TGM5: variants seen among roughly 807,000 people sequenced by gnomAD.
TGM5 encodes the protein transglutaminase 5, also known as protein-glutamine gamma-glutamyltransferase 5.
In TGM5, 69 loss-of-function variants were observed where a neutral mutation model predicts 77.2. That is an observed-to-expected ratio of 0.89 (90% CI 0.74 to 1.09). The LOEUF is 1.09. Among genes scored for constraint, TGM5 ranks in the 50% least tolerant of loss-of-function variants. The pLI is 0.00. For synonymous variants in TGM5, 346 were observed against 351.8 expected (o/e 0.98, Z 0.18); for missense variants, 842 against 896.5 (o/e 0.94, Z 0.78).
At chr15:43,264,767 T>C (rs1053072397) in intron 1 of TGM5, among the ~76,000 whole-genome samples, 6 of 152,320 alleles carry the variant, frequency 3.9e-5, no homozygotes, top group Admixed American at 3.3e-4. Context: ...CTTGATGGTA[T>C]ATGAATTATA....
intron 1 of TGM5, among the ~76,000 whole-genome samples, chr15:43,264,523 CATATT>C (rs1202225182): frequency 1.3e-5 from 2 of 151,980 alleles, no homozygotes; most frequent in African/African-American, 4.8e-5. Flanking sequence ...TAAAAAGACA[CATATT>C]ATATGATTAT....
intron 7 of TGM5, 151 bp from the exon 8 acceptor site, chr15:43,239,417 C>T (rs1460600710): frequency 1.3e-6 from 1 of 756,132 alleles, no homozygotes; most frequent in Non-Finnish European, 2.3e-6. Context: ...CACGATGGCT[C>T]ATGCCAGTAA....
intron 4 of TGM5, among the ~76,000 whole-genome samples, chr15:43,256,271 G>C (rs768390962): frequency 6.6e-6 from 1 of 152,224 alleles, no homozygotes; most frequent in Non-Finnish European, 1.5e-5. Flanking sequence ...CATCACTGCT[G>C]TGATGGTTGC....
At position 43,234,786 on chromosome 15, in the gene TGM5, G is replaced by T. The variant is rs764874796; in HGVS notation, c.1858C>A (p.Pro620Thr). ...CTGCCTACATTAATCGTGATGCTTG[G>T]ATAAGATAAGGTGATGATCTTGTTC... ...LVNKIITLSY[P>T]SITINVLGAA... Residue 620 changes from proline (P) to threonine (T), a missense_variant, in exon 11 of 13, where the codon CCA becomes ACA. Around this residue, in one of 2 missense-constraint regions of TGM5, gnomAD observed 815 missense variants for 844.6 expected, o/e 0.96. Transcript: ENST00000220420. 15 of 1,614,080 alleles carry T rather than the reference G, an allele frequency of 9.3e-6. No individual in the cohort carries two copies. The African/African-American group carries it at 1.6e-4, about 17-fold the overall frequency.
At chr15:43,246,480 G>T (rs577081122) in intron 6 of TGM5, among the ~76,000 whole-genome samples, 1 of 152,268 alleles carries the variant, frequency 6.6e-6, no homozygotes, top group East Asian at 1.9e-4. Context: ...TACTTTTGTT[G>T]TCTTCCTCCC....
intron 7 of TGM5, among the ~76,000 whole-genome samples, chr15:43,239,966 G>A (rs2042622292): frequency 6.6e-6 from 1 of 152,126 alleles, no homozygotes; most frequent in Non-Finnish European, 1.5e-5. Flanking sequence ...AGAAGCAGAA[G>A]TGTTTTTTTG....
At position 43,235,819 on chromosome 15, in the gene TGM5, T is replaced by C. The variant is rs2042586253; in HGVS notation, c.1364A>G (p.Gln455Arg). The change falls in exon 10 of 13, where the codon CAG (glutamine) becomes CGG (arginine). Residue 455 changes from glutamine to arginine, a missense_variant. Coordinates refer to ENST00000220420, the MANE Select transcript of TGM5 (RefSeq NM_201631.4). The part of the protein sequence containing the change: ...KYEEGSLQER[Q>R]VFLKALQKLK... The stretch of plus-strand genomic sequence containing the variant: ...CTTCTGCAGAGCCTTCAGAAACACC[T>C]GCCTCTCCTGGAGGGATCCTGAAGT... 4 of 1,614,038 alleles carry C rather than the reference T, an allele frequency of 2.5e-6. No individual in the cohort carries two copies. The highest frequency in any genetic ancestry group is 3.4e-6 in the Non-Finnish European group (4 of 1,180,024).
intron 3 of TGM5, among the ~76,000 whole-genome samples, chr15:43,257,311 T>TAGCAAAATCA (rs996892672): frequency 6.6e-6 from 1 of 152,328 alleles, no homozygotes; most frequent in Middle Eastern, 3.4e-3. Context: ...CATAGAGACG[T>TAGCAAAATCA]AAGGCAGCAA....
chr15:43,266,077 T>C (rs2042822526), intron 1 of TGM5, among the ~76,000 whole-genome samples: 1 of 152,248 alleles, frequency 6.6e-6, no homozygotes, highest in Non-Finnish European at 1.5e-5. Context: ...GAGATGAGGC[T>C]GCCATTGGGG....
In TGM5 at chr15:43,238,805, T is replaced by C; in HGVS notation, c.1345+12A>G. 6.2e-7 allele frequency: 1 copy of C among 1,613,616 alleles called. No individual in the cohort carries two copies. Among genetic ancestry groups the C allele is most frequent in the Non-Finnish European group, 8.5e-7 (1 of 1,179,854 alleles). On this transcript the variant is annotated intron_variant, in intron 9 of 12. Coordinates refer to ENST00000220420, the MANE Select transcript of TGM5 (RefSeq NM_201631.4). ...GGCTGGGGCTCTGAGTAGGGCTGGC[T>C]TGCTTACTTACCTTCTTCATACTTG...
At chr15:43,259,936 G>A in intron 3 of TGM5, 116 bp downstream of exon 3, 5 of 1,457,744 alleles carry the variant, frequency 3.4e-6, no homozygotes, top group Non-Finnish European at 3.8e-6. Context: ...GCTGAGTGCA[G>A]GGAATTGAGG....
In TGM5 at chr15:43,233,197, T is replaced by G; in HGVS notation, c.2157A>C (p.Ala719=). The change falls in exon 13 of 13, where the codon GCA becomes GCC. Residue 719 remains alanine, a synonymous_variant. Transcript: ENST00000220420. Reference sequence around the variant, plus strand: ...TGGCGCGTTGTTCCAGAATTTATAATGCAAAGTCTACATAAACATTCCTGT... The same window carrying G: ...TGGCGCGTTGTTCCAGAATTTATAAGGCAAAGTCTACATAAACATTCCTGT... ...KGYRNVYVDF[A]L The G allele has an allele frequency of 6.2e-7, 1 of 1,614,184 alleles. No homozygotes were observed. Among genetic ancestry groups the G allele is most frequent in the Non-Finnish European group, 8.5e-7 (1 of 1,180,048 alleles).
At chr15:43,266,798 T>G in intron 1 of TGM5, 42 bp downstream of exon 1, 5 of 1,613,858 alleles carry the variant, frequency 3.1e-6, no homozygotes, top group Non-Finnish European at 3.4e-6. Context: ...CTCTCTGTCC[T>G]TCTTATCCCT....
chr15:43,256,437 C>G, intron 4 of TGM5, 131 bp downstream of exon 4: 3 of 802,324 alleles, frequency 3.7e-6, no homozygotes, highest in Non-Finnish European at 6.7e-6. Flanking sequence ...AACCTGGGCT[C>G]ACAACACACA....
At chr15:43,234,672 T>C in intron 11 of TGM5, 97 bp downstream of exon 11, 1 of 1,481,486 alleles carries the variant, frequency 6.7e-7, no homozygotes, top group Admixed American at 1.7e-5. Flanking sequence ...GAGGGGATGC[T>C]CTCCTAAGCA....
chr15:43,258,957 A>T lies in TGM5; in HGVS notation c.436+1095T>A, dbSNP rs574195444. On this transcript the variant is annotated intron_variant, in intron 3 of 12. Coordinates refer to ENST00000220420, the MANE Select transcript of TGM5 (RefSeq NM_201631.4). Reference sequence around the variant, plus strand: ...CTCTCCACCTGGCTGATGGGTGAGCATTCTCAGCCATTCGGGGACAGGGAA... The same window carrying T: ...CTCTCCACCTGGCTGATGGGTGAGCTTTCTCAGCCATTCGGGGACAGGGAA... Among the ~76,000 whole-genome samples the T allele has an allele frequency of 4.2e-3, 634 of 152,282 alleles. 3 individuals carry two copies. The highest frequency in any genetic ancestry group is 0.014 in the African/African-American group (589 of 41,542).
Position 43,233,701 on chromosome 15 carries a change from G to T in TGM5, c.1876-14C>A, listed in dbSNP as rs1185015054. On this transcript the variant is annotated splice_polypyrimidine_tract_variant and intron_variant, in intron 11 of 12. Transcript: ENST00000220420. ...TGCTCCTAGAACCTAAACAGACCAGGAGGGGAAGGAGAATTAGTTCTCATT... is the reference window on the plus strand; with the variant it reads ...TGCTCCTAGAACCTAAACAGACCAGTAGGGGAAGGAGAATTAGTTCTCATT... 1.2e-6 allele frequency: 2 copies of T among 1,613,874 alleles called. No individual in the cohort carries two copies.
chr15:43,249,933 C>A (rs1449287167), intron 6 of TGM5, among the ~76,000 whole-genome samples: 1 of 152,218 alleles, frequency 6.6e-6, no homozygotes, highest in Non-Finnish European at 1.5e-5. Flanking sequence ...TGAGTCAGAC[C>A]AGAGTCCCTC....
chr15:43,261,338 C>T (rs758936928), intron 1 of TGM5, among the ~76,000 whole-genome samples: 8 of 151,996 alleles, frequency 5.3e-5, no homozygotes, highest in Non-Finnish European at 1.0e-4. Flanking sequence ...ATCTGCCTGC[C>T]TCGGCCTCCC....
Sources: allele counts gnomAD v4.1 joint callset (sites outside exome capture counted in the v4.1 genomes callset), GRCh38; gene constraint gnomAD v4.1.1; regional missense constraint gnomAD v4.1.1; transcripts MANE v1.5; gene names NCBI Gene and HGNC (gene_info 2026-07-23, HGNC 2026-07-21).